Variants in EXOC6B observed in about 807,000 individuals in gnomAD.
The protein encoded by EXOC6B is SEC15 homolog B.
A neutral mutation model predicts 113.5 loss-of-function variants in EXOC6B; 54 were observed. That is an observed-to-expected ratio of 0.48 (90% confidence interval 0.38 to 0.60). The LOEUF is 0.60. Among genes scored for constraint, EXOC6B ranks in the 20% least tolerant of loss-of-function variants. The pLI, the probability that EXOC6B is intolerant of heterozygous loss-of-function variation, is 0.00. For missense variants in EXOC6B, 797 were observed against 977.5 expected (o/e 0.82, Z 2.46); for synonymous variants, 357 against 339.0 (o/e 1.05, Z -0.58).
intron 11 of EXOC6B, among the ~76,000 whole-genome samples, chr2:72,507,817 A>G (rs1451988028): frequency 1.3e-5 from 2 of 152,026 alleles, no homozygotes; most frequent in East Asian, 3.8e-4. Flanking sequence ...GAATCAGCAC[A>G]CTTGAAAAGT....
chr2:72,508,546 C>A (rs867614781), intron 11 of EXOC6B, among the ~76,000 whole-genome samples: 2 of 152,022 alleles, frequency 1.3e-5, no homozygotes, highest in African/African-American at 2.4e-5. Context: ...CCGAGGTAGG[C>A]GAATCACCTG....
intron 18 of EXOC6B, among the ~76,000 whole-genome samples, chr2:72,416,856 ACT>A (rs1694558168): frequency 6.6e-6 from 1 of 151,590 alleles, no homozygotes; most frequent in Non-Finnish European, 1.5e-5. Context: ...ACAATCGCAG[ACT>A]CTTTTACAAA....
chr2:72,411,494 T>C (rs1573062118), intron 18 of EXOC6B, among the ~76,000 whole-genome samples: 1 of 152,136 alleles, frequency 6.6e-6, no homozygotes, highest in African/African-American at 2.4e-5. Context: ...AGATGGGACC[T>C]CAAAAGGCTA....
chr2:72,414,126 A>AT (rs1694370110), intron 18 of EXOC6B, among the ~76,000 whole-genome samples: 1 of 152,202 alleles, frequency 6.6e-6, no homozygotes, highest in African/African-American at 2.4e-5. Flanking sequence ...TATTCTTTAT[A>AT]TTTTAGCTTT....
intron 18 of EXOC6B, among the ~76,000 whole-genome samples, chr2:72,457,320 T>C (rs1697298822): frequency 1.3e-5 from 2 of 152,224 alleles, no homozygotes. Context: ...GAAAGGGTTT[T>C]AAATGGGAAG....
intron 20 of EXOC6B, among the ~76,000 whole-genome samples, chr2:72,295,954 G>T (rs185968026): frequency 6.6e-6 from 1 of 152,118 alleles, no homozygotes; most frequent in African/African-American, 2.4e-5. Flanking sequence ...TTTCCAGTAA[G>T]TACTACTTCA....
In EXOC6B at chr2:72,179,291, A is replaced by C; in HGVS notation, c.*44T>G. On this transcript the variant is annotated 3_prime_UTR_variant, in exon 22 of 22. Coordinates refer to ENST00000272427, the MANE Select transcript of EXOC6B (RefSeq NM_015189.3). ...AGCTGGGGCTGGACCCCAGACTGACACAGAGGCTGCAGCAGGTCGCCTCTG... is the reference window on the plus strand; with the variant it reads ...AGCTGGGGCTGGACCCCAGACTGACCCAGAGGCTGCAGCAGGTCGCCTCTG... 6.5e-7 allele frequency: 1 copy of C among 1,535,736 alleles called. No individual in the cohort carries two copies.
At chr2:72,574,864 A>C (rs923782424) in intron 7 of EXOC6B, among the ~76,000 whole-genome samples, 1 of 152,212 alleles carries the variant, frequency 6.6e-6, no homozygotes, top group Non-Finnish European at 1.5e-5. Flanking sequence ...AAACACATTA[A>C]ACATACTTCT....
intron 20 of EXOC6B, among the ~76,000 whole-genome samples, chr2:72,256,966 G>A (rs1683389636): frequency 6.6e-6 from 1 of 152,092 alleles, no homozygotes; most frequent in Non-Finnish European, 1.5e-5. Context: ...CAGGTTCCAG[G>A]GGCATGGAAT....
intron 6 of EXOC6B, among the ~76,000 whole-genome samples, chr2:72,589,142 A>T (rs199844667): frequency 1.5e-3 from 3 of 1,998 alleles, no homozygotes; most frequent in Non-Finnish European, 3.8e-3. Context: ...CTTAAAAAAT[A>T]AAAAAATTTG....
chr2:72,714,521 G>A (rs1679478509), intron 6 of EXOC6B, among the ~76,000 whole-genome samples: 2 of 152,170 alleles, frequency 1.3e-5, no homozygotes, highest in African/African-American at 4.8e-5. Flanking sequence ...CTCATTTGCA[G>A]ACTGAATTTA....
intron 6 of EXOC6B, among the ~76,000 whole-genome samples, chr2:72,601,800 T>C (rs923133741): frequency 3.3e-5 from 5 of 152,150 alleles, no homozygotes; most frequent in African/African-American, 1.2e-4. Flanking sequence ...AATGGATAAA[T>C]AAACTGTGGT....
At chr2:72,328,117 A>G (rs972208119) in intron 20 of EXOC6B, among the ~76,000 whole-genome samples, 1 of 152,082 alleles carries the variant, frequency 6.6e-6, no homozygotes, top group South Asian at 2.1e-4. Context: ...AATAGGAATT[A>G]TTTCCTGTCA....
At chr2:72,486,194 A>G (rs1446107177) in intron 16 of EXOC6B, among the ~76,000 whole-genome samples, 1 of 152,106 alleles carries the variant, frequency 6.6e-6, no homozygotes, top group Non-Finnish European at 1.5e-5. Context: ...ATATGTTGAA[A>G]CATTGTCTCT....
intron 8 of EXOC6B, among the ~76,000 whole-genome samples, chr2:72,531,257 G>A (rs1558767435): frequency 6.6e-6 from 1 of 152,060 alleles, no homozygotes; most frequent in Non-Finnish European, 1.5e-5. Flanking sequence ...TGTGGTTAAT[G>A]TAGATATTAC....
At chr2:72,300,191 C>T (rs573366681) in intron 20 of EXOC6B, among the ~76,000 whole-genome samples, 3 of 152,214 alleles carry the variant, frequency 2.0e-5, no homozygotes, top group African/African-American at 7.2e-5. Flanking sequence ...CTGACTGGGG[C>T]TGCTGCTTTT....
At chr2:72,299,931 G>A (rs1686398009) in intron 20 of EXOC6B, among the ~76,000 whole-genome samples, 1 of 152,094 alleles carries the variant, frequency 6.6e-6, no homozygotes. Flanking sequence ...CAGAGCTCTA[G>A]AGCGCTCCTG....
chr2:72,741,208 A>G, intron 2 of EXOC6B, 96 bp downstream of exon 2: 5 of 1,210,756 alleles, frequency 4.1e-6, no homozygotes, highest in Non-Finnish European at 4.5e-6. Context: ...AATCTTCACT[A>G]CAAATATGTG....
chr2:72,599,731 C>A lies in EXOC6B; in HGVS notation c.670-24063G>T, dbSNP rs551432176. Among the ~76,000 whole-genome samples, 10 of 152,030 alleles carry A rather than the reference C, an allele frequency of 6.6e-5. No individual in the cohort carries two copies. The East Asian group carries it at 9.7e-4, about 15-fold the overall frequency. On this transcript the variant is annotated intron_variant, in intron 6 of 21. Transcript: ENST00000272427. ...AGGATAGAGGTGAATATACAAAAGTCAGTTGCTTTACTAAATTCTAGCAAT... is the reference window on the plus strand; with the variant it reads ...AGGATAGAGGTGAATATACAAAAGTAAGTTGCTTTACTAAATTCTAGCAAT...
Sources: allele counts gnomAD v4.1 joint callset (sites outside exome capture counted in the v4.1 genomes callset), GRCh38; gene constraint gnomAD v4.1.1; transcripts MANE v1.5; gene names NCBI Gene and HGNC (gene_info 2026-07-23, HGNC 2026-07-21).